The following TPM1 variants were observed in gnomAD, a reference collection of about 807,000 sequenced individuals.
TPM1 encodes the protein tropomyosin 1, also known as tropomyosin alpha-1 chain.
Under a neutral mutation model 42.9 loss-of-function variants are expected in TPM1, and 24 were observed. The observed-to-expected ratio is 0.56, with a 90% CI of 0.41 to 0.79. TPM1 has a LOEUF of 0.79. Ranked by LOEUF, TPM1 falls within the 30% of genes least tolerant of loss-of-function variation. The pLI is 0.00. For missense variants in TPM1, 158 were observed against 351.8 expected (o/e 0.45, Z 4.41); for synonymous variants, 136 against 130.1 (o/e 1.05, Z -0.31).
In TPM1 at chr15:63,062,598, C is replaced by T. The variant is rs397516387; in HGVS notation, c.725C>T (p.Ala242Val). ...CAGGCTGAGACTCGGGCTGAGTTTG[C>T]GGAGAGGTCAGTAACTAAATTGGAG... ...LKEAETRAEF[A>V]ERSVTKLEKS... Residue 242 changes from alanine (A) to valine (V), a missense_variant, in exon 8 of 10, where the codon GCG becomes GTG. Physicochemically the swap from Ala to Val is moderately conservative, Grantham distance 64. Transcript: ENST00000403994. 1 of 1,614,130 alleles carries T rather than the reference C, an allele frequency of 6.2e-7. No homozygotes were observed. Among genetic ancestry groups the T allele is most frequent in the Non-Finnish European group, 8.5e-7 (1 of 1,180,028 alleles).
At chr15:63,054,656 GT>G (rs1271903158) in intron 2 of TPM1, 1 of 152,180 alleles carries the variant, frequency 6.6e-6, no homozygotes, top group African/African-American at 2.4e-5. Context: ...CTACAAAAAA[GT>G]TTTGAAAATC....
At chr15:63,071,009 T>C, downstream of TPM1, 2 of 1,603,978 alleles carry the variant, frequency 1.2e-6, no homozygotes, top group South Asian at 2.2e-5. Flanking sequence ...TTGTGATTGA[T>C]GTTTGCCTGC....
At chr15:63,060,398 T>C (rs925703971) in intron 4 of TPM1, among the ~76,000 whole-genome samples, 1 of 152,204 alleles carries the variant, frequency 6.6e-6, no homozygotes, top group Non-Finnish European at 1.5e-5. Context: ...TTGTCAGTTA[T>C]CTCACCAACT....
At chr15:63,048,730 C>T (rs1384438462) in intron 2 of TPM1, 1 of 1,531,008 alleles carries the variant, frequency 6.5e-7, no homozygotes, top group Admixed American at 2.0e-5. Context: ...CCCATCACCC[C>T]GCAGCCCCCA....
downstream of TPM1, among the ~76,000 whole-genome samples, chr15:63,067,939 A>G (rs890057244): frequency 9.8e-5 from 15 of 152,328 alleles, no homozygotes; most frequent in Admixed American, 6.5e-4. Flanking sequence ...CAGCAGCTGA[A>G]GCAGAGCAGA....
chr15:63,056,485 T>G (rs949334395), intron 2 of TPM1: 4 of 208,222 alleles, frequency 1.9e-5, no homozygotes, highest in Admixed American at 1.6e-4. Context: ...GCTAACACGG[T>G]GAAACCCCGT....
downstream of TPM1, chr15:63,070,898 C>T: frequency 7.3e-7 from 1 of 1,378,568 alleles, no homozygotes; most frequent in Non-Finnish European, 9.4e-7. Flanking sequence ...CGTGCCATGG[C>T]TCCTTTGGGT....
intron 6 of TPM1, 60 bp downstream of exon 6, chr15:63,061,848 C>T: frequency 1.3e-6 from 2 of 1,492,742 alleles, no homozygotes; most frequent in Non-Finnish European, 1.9e-6. Flanking sequence ...AAAAGAGGCC[C>T]TGCCAGAAAG....
chr15:63,048,577 T>G, intron 2 of TPM1: 1 of 1,527,058 alleles, frequency 6.5e-7, no homozygotes, highest in Non-Finnish European at 8.8e-7. Flanking sequence ...TCCGGCGCGA[T>G]GGCGGGGAGT....
At chr15:63,063,705 T>C (rs2035948182) in intron 8 of TPM1, 1 of 233,132 alleles carries the variant, frequency 4.3e-6, no homozygotes, top group Non-Finnish European at 8.5e-6. Flanking sequence ...AATATAGCTC[T>C]GCAAAAGAAA....
intron 3 of TPM1, 102 bp downstream of exon 3, chr15:63,057,220 G>T: frequency 6.6e-7 from 1 of 1,517,124 alleles, no homozygotes; most frequent in East Asian, 2.3e-5. Flanking sequence ...TCAGTCCCCT[G>T]GTGGTGGGAT....
chr15:63,043,672 C>G (rs1349492506), intron 1 of TPM1: 1 of 1,538,890 alleles, frequency 6.5e-7, no homozygotes, highest in Non-Finnish European at 8.7e-7. Flanking sequence ...CCGGTCCGTG[C>G]CGGCCGCCCG....
At chr15:63,043,900 C>A in intron 1 of TPM1, 127 bp from the exon 2 acceptor site, 4 of 1,552,158 alleles carry the variant, frequency 2.6e-6, no homozygotes, top group East Asian at 2.4e-5. Context: ...CTCTCCCTCC[C>A]TGTCTTTCCC....
Position 63,060,945 on chromosome 15 carries a change from C to T in TPM1, c.563+6C>T, listed in dbSNP as rs397516378. 9.9e-6 allele frequency: 16 copies of T among 1,613,746 alleles called. No homozygotes were observed. Among genetic ancestry groups the T allele is most frequent in the Middle Eastern group, 1.6e-4 (1 of 6,084 alleles). On this transcript the variant is annotated splice_donor_region_variant and intron_variant, in intron 5 of 9. Transcript: ENST00000403994. ...CGGGCTGAGCTCTCAGAAGGGTAAGCGGGCCCGGCGCCAGGAGGCCACGAA... is the reference window on the plus strand; with the variant it reads ...CGGGCTGAGCTCTCAGAAGGGTAAGTGGGCCCGGCGCCAGGAGGCCACGAA...
intron 2 of TPM1, chr15:63,046,718 T>C (rs1470509693): frequency 6.6e-6 from 1 of 152,644 alleles, no homozygotes; most frequent in Non-Finnish European, 1.5e-5. Flanking sequence ...TTATAGCATA[T>C]GAGTCTTTAT....
chr15:63,058,653 G>T (rs1680143485), intron 3 of TPM1, among the ~76,000 whole-genome samples: 1 of 152,150 alleles, frequency 6.6e-6, no homozygotes, highest in African/African-American at 2.4e-5. Context: ...AGGTTGCAGT[G>T]AGCCAAGATC....
At chr15:63,057,249 C>T in intron 3 of TPM1, 131 bp downstream of exon 3, 1 of 1,287,890 alleles carries the variant, frequency 7.8e-7, no homozygotes, top group Non-Finnish European at 1.1e-6. Flanking sequence ...CTATTGATCC[C>T]AGGTATAACT....
intron 2 of TPM1, among the ~76,000 whole-genome samples, chr15:63,052,580 G>C (rs186597932): frequency 7.8e-4 from 119 of 152,184 alleles, no homozygotes; most frequent in African/African-American, 2.8e-3. Flanking sequence ...TGATTTACAT[G>C]CCTGCAAATA....
intron 9 of TPM1, chr15:63,064,899 G>A: frequency 1.4e-6 from 1 of 728,688 alleles, no homozygotes; most frequent in Non-Finnish European, 1.7e-6. Context: ...CCCGGGAGGT[G>A]GAGCTTGCAG....
Sources: allele counts gnomAD v4.1 joint callset (sites outside exome capture counted in the v4.1 genomes callset), GRCh38; gene constraint gnomAD v4.1.1; transcripts MANE v1.5; gene names NCBI Gene and HGNC (gene_info 2026-07-23, HGNC 2026-07-21).